Variants in GMPS observed in about 807,000 individuals in gnomAD.
The protein encoded by GMPS is GMP synthase [glutamine-hydrolyzing].
A neutral mutation model predicts 77.9 loss-of-function variants in GMPS; 15 were observed. The observed-to-expected ratio is 0.19, with a 90% confidence interval of 0.13 to 0.30. The LOEUF (loss-of-function observed/expected upper bound fraction) is 0.30. Ranked by LOEUF, GMPS falls within the 10% of genes least tolerant of loss-of-function variation. GMPS has a pLI of 1.00. For synonymous variants in GMPS, 224 were observed against 275.9 expected, an observed-to-expected ratio of 0.81 and a Z score of 1.86; for missense variants, 590 against 838.8, an observed-to-expected ratio of 0.70 and a Z score of 3.66.
chr3:155,903,392 CA>C (rs981240475), intron 3 of GMPS, among the ~76,000 whole-genome samples: 3 of 152,224 alleles, frequency 2.0e-5, no homozygotes, highest in Non-Finnish European at 4.4e-5. Flanking sequence ...CAGCCTTCGG[CA>C]GGCTTTCAGA....
At chr3:155,935,640 C>T (rs761336792) in intron 14 of GMPS, among the ~76,000 whole-genome samples, 2 of 152,206 alleles carry the variant, frequency 1.3e-5, no homozygotes, top group Non-Finnish European at 2.9e-5. Context: ...TTCTTGTTTT[C>T]AGCTCTCATA....
Position 155,911,257 on chromosome 3 carries a change from A to G in GMPS, c.864A>G (p.Lys288=), listed in dbSNP as rs182628038. The change falls in exon 7 of 16, where the codon AAA becomes AAG. Residue 288 remains lysine, a synonymous_variant. Coordinates refer to ENST00000496455, the MANE Select transcript of GMPS (RefSeq NM_003875.3). ...GCCAGTCTGTTGAAGAGGCCCTCAA[A>G]AAGCTTGGAATTCAGGTCAAAGGTA... is the stretch of plus-strand genomic sequence containing the variant. ...RESQSVEEAL[K]KLGIQVKVIN... 6.2e-7 allele frequency: 1 copy of G among 1,608,920 alleles called. No homozygotes were observed. The highest frequency in any genetic ancestry group is 1.7e-5 in the Admixed American group (1 of 58,812).
chr3:155,906,314 G>A, intron 5 of GMPS, 51 bp downstream of exon 5: 8 of 1,042,618 alleles, frequency 7.7e-6, no homozygotes, highest in Non-Finnish European at 3.0e-6. Flanking sequence ...TTTATCTGAA[G>A]AGTAAGCATA....
chr3:155,920,032 C>T (rs910715466), intron 10 of GMPS, among the ~76,000 whole-genome samples: 3 of 152,174 alleles, frequency 2.0e-5, no homozygotes, highest in African/African-American at 7.2e-5. Context: ...TAATAGCCAA[C>T]ATTTCTTAAG....
In GMPS at chr3:155,911,248, G is replaced by A. The variant is rs753127172; in HGVS notation, c.855G>A (p.Glu285=). ...MRKRESQSVE[E]ALKKLGIQVK... ...AACGAGAAAGCCAGTCTGTTGAAGA[G>A]GCCCTCAAAAAGCTTGGAATTCAGG... is the stretch of plus-strand genomic sequence containing the variant. The change falls in exon 7 of 16, where the codon GAG becomes GAA. Residue 285 remains glutamate, a synonymous_variant. Transcript: ENST00000496455. 6.2e-7 allele frequency: 1 copy of A among 1,610,128 alleles called. No individual in the cohort carries two copies. Among genetic ancestry groups the A allele is most frequent in the South Asian group, 1.1e-5 (1 of 90,110 alleles).
At chr3:155,911,398 T>G in intron 7 of GMPS, 119 bp downstream of exon 7, 1 of 578,298 alleles carries the variant, frequency 1.7e-6, no homozygotes, top group Non-Finnish European at 2.9e-6. Flanking sequence ...TTGAAAATGT[T>G]TTTTATTTTT....
intron 10 of GMPS, among the ~76,000 whole-genome samples, chr3:155,921,562 T>G (rs928736761): frequency 6.6e-6 from 1 of 152,142 alleles, no homozygotes; most frequent in African/African-American, 2.4e-5. Flanking sequence ...GCCTGTAATT[T>G]CAGCATTTCC....
Position 155,941,337 on chromosome 3 carries a change from G to A in GMPS, c.*3645G>A, listed in dbSNP as rs188168640. 878 of 178,184 alleles carry A rather than the reference G, an allele frequency of 4.9e-3. 5 individuals carry two copies. Among genetic ancestry groups the A allele is most frequent in the Middle Eastern group, 0.013 (6 of 464 alleles). The allele number at this position is 178,184 out of a possible 1,614,324, so 11.0% of individuals were successfully genotyped here. A position where few individuals can be genotyped will look rare whatever the true frequency, so the allele number is the denominator to read the frequency against. ...GAGAATGGCCTGAACCCAGGAGGCG[G>A]AGCTTGCAGTGAGCTGAGATAGTGC... On this transcript the variant is annotated 3_prime_UTR_variant, in exon 16 of 16. Coordinates refer to ENST00000496455, the MANE Select transcript of GMPS (RefSeq NM_003875.3).
At chr3:155,872,748 G>A (rs920819805) in intron 1 of GMPS, among the ~76,000 whole-genome samples, 10 of 152,040 alleles carry the variant, frequency 6.6e-5, no homozygotes, top group African/African-American at 2.4e-4. Context: ...ATGTTTTATA[G>A]CATAATTAAA....
At chr3:155,872,639 A>G (rs1268765783) in intron 1 of GMPS, among the ~76,000 whole-genome samples, 1 of 151,960 alleles carries the variant, frequency 6.6e-6, no homozygotes, top group Non-Finnish European at 1.5e-5. Flanking sequence ...CCTAACTGGT[A>G]TTTTTTCTTT....
chr3:155,910,939 C>T, intron 6 of GMPS, 54 bp downstream of exon 6: 1 of 1,307,576 alleles, frequency 7.6e-7, no homozygotes, highest in South Asian at 1.4e-5. Flanking sequence ...ATATTGGAAT[C>T]CAGGAGTTAG....
Position 155,897,819 on chromosome 3 carries a change from G to A in GMPS, c.210-108G>A, listed in dbSNP as rs955901655. 28 of 649,866 alleles carry A rather than the reference G, an allele frequency of 4.3e-5. 1 individual carries two copies. The highest frequency in any genetic ancestry group is 3.7e-4 in the South Asian group (18 of 48,760). The allele number at this position is 649,866 out of a possible 1,614,324, so 40.3% of individuals were successfully genotyped here. A position where few individuals can be genotyped will look rare whatever the true frequency, so the allele number is the denominator to read the frequency against. ...TTTGCTACATTCTACCAAAAACAAC[G>A]CAATTTCTGGATCTGTGTTGTTTCC... On this transcript the variant is annotated intron_variant, in intron 2 of 15. Coordinates refer to ENST00000496455, the MANE Select transcript of GMPS (RefSeq NM_003875.3).
intron 3 of GMPS, among the ~76,000 whole-genome samples, chr3:155,902,547 C>T (rs1754758998): frequency 1.3e-5 from 2 of 152,182 alleles, no homozygotes. Flanking sequence ...TAAGTATTGT[C>T]TATGGATGCT....
At chr3:155,931,901 G>T in intron 13 of GMPS, 21 bp downstream of exon 13, 1 of 1,078,860 alleles carries the variant, frequency 9.3e-7, no homozygotes, top group Non-Finnish European at 1.4e-6. Context: ...CAGGAGCTAG[G>T]GTGGGGGCTT....
chr3:155,893,772 G>T, intron 2 of GMPS, 73 bp downstream of exon 2: 1 of 762,318 alleles, frequency 1.3e-6, no homozygotes, highest in Non-Finnish European at 2.0e-6. Context: ...TAATTTTCTT[G>T]AGCACTGAAT....
intron 1 of GMPS, among the ~76,000 whole-genome samples, chr3:155,872,054 CTT>C (rs1310388517): frequency 6.6e-6 from 1 of 152,108 alleles, no homozygotes; most frequent in African/African-American, 2.4e-5. Context: ...TAGGAAAAAA[CTT>C]AATTAAATTT....
chr3:155,903,342 T>G (rs756005774), intron 3 of GMPS, among the ~76,000 whole-genome samples: 1 of 152,212 alleles, frequency 6.6e-6, no homozygotes, highest in Non-Finnish European at 1.5e-5. Context: ...TGAGCTTAAC[T>G]GAAAGGCCAG....
intron 15 of GMPS, among the ~76,000 whole-genome samples, chr3:155,937,047 G>T (rs1383726951): frequency 6.6e-6 from 1 of 152,192 alleles, no homozygotes; most frequent in Non-Finnish European, 1.5e-5. Flanking sequence ...TGTCGTGATA[G>T]CTAGGTAGAT....
At position 155,938,618 on chromosome 3, in the gene GMPS, CA is replaced by C; in HGVS notation, c.*930del. The C allele has an allele frequency of 4.9e-6, 1 of 202,324 alleles. No homozygotes were observed. 12.5% of individuals were successfully genotyped at this position (202,324 alleles called of 1,614,324 possible). A position where few individuals can be genotyped will look rare whatever the true frequency, so the allele number is the denominator to read the frequency against. On this transcript the variant is annotated 3_prime_UTR_variant, in exon 16 of 16. Transcript: ENST00000496455. ...AGCTATGATGCATACCTACAGCTTACAAAAGGGAGAGGAAAAATGTTTATAT... is the reference window on the plus strand; with the variant it reads ...AGCTATGATGCATACCTACAGCTTACAAAGGGAGAGGAAAAATGTTTATAT...
Sources: allele counts gnomAD v4.1 joint callset (sites outside exome capture counted in the v4.1 genomes callset), GRCh38; gene constraint gnomAD v4.1.1; transcripts MANE v1.5; gene names NCBI Gene and HGNC (gene_info 2026-07-23, HGNC 2026-07-21).